Variants in ESRRG observed in about 807,000 individuals in gnomAD.
ESRRG encodes estrogen related receptor gamma.
A neutral mutation model predicts 44.0 loss-of-function variants in ESRRG; 13 were observed. The observed-to-expected ratio is 0.30, with a 90% CI of 0.19 to 0.47. ESRRG has a LOEUF of 0.47. ESRRG is among the 20% of genes least tolerant of loss of function. The pLI, the probability that ESRRG is intolerant of heterozygous loss-of-function variation, is 1.00. For missense variants in ESRRG, 395 were observed against 580.6 expected, an observed-to-expected ratio of 0.68 and a Z score of 3.29; for synonymous variants, 215 against 214.6, an observed-to-expected ratio of 1.00 and a Z score of -0.02.
intron 1 of ESRRG, among the ~76,000 whole-genome samples, chr1:217,068,159 A>G (rs889740870): frequency 4.6e-5 from 7 of 152,130 alleles, no homozygotes; most frequent in Non-Finnish European, 8.8e-5. Context: ...CTACCACGTG[A>G]TCTCACAATG....
At chr1:216,957,822 A>C (rs1156615443) in intron 1 of ESRRG, among the ~76,000 whole-genome samples, 2 of 152,206 alleles carry the variant, frequency 1.3e-5, no homozygotes, top group Non-Finnish European at 2.9e-5. Flanking sequence ...TGCCTACGAT[A>C]AGACACACAG....
chr1:216,636,691 G>A (rs2065368570), intron 3 of ESRRG, among the ~76,000 whole-genome samples: 1 of 152,224 alleles, frequency 6.6e-6, no homozygotes, highest in African/African-American at 2.4e-5. Flanking sequence ...GTGAGGAAGG[G>A]AAGAATTCCT....
chr1:216,559,183 T>C, intron 5 of ESRRG, among the ~76,000 whole-genome samples: 1 of 152,268 alleles, frequency 6.6e-6, no homozygotes, highest in East Asian at 1.9e-4. Flanking sequence ...AATTGAATAT[T>C]CTCATAATTT....
At chr1:217,010,983 G>A (rs1300571619) in intron 1 of ESRRG, among the ~76,000 whole-genome samples, 2 of 152,092 alleles carry the variant, frequency 1.3e-5, no homozygotes, top group Non-Finnish European at 2.9e-5. Context: ...AGCACCAATA[G>A]GCTAAAATAT....
At chr1:217,102,867 G>A (rs1035462073) in intron 1 of ESRRG, among the ~76,000 whole-genome samples, 7 of 152,084 alleles carry the variant, frequency 4.6e-5, no homozygotes, top group Non-Finnish European at 5.9e-5. Context: ...ATGTAGGGGC[G>A]GGTGGGAAGA....
intron 1 of ESRRG, among the ~76,000 whole-genome samples, chr1:217,035,489 T>C (rs1449950933): frequency 2.6e-5 from 4 of 152,072 alleles, no homozygotes. Flanking sequence ...CCTATTTTTT[T>C]ACTAAATTTC....
chr1:216,505,469 C>G lies in ESRRG; in HGVS notation c.*1470G>C, dbSNP rs568026618. 30 of 151,716 alleles carry G rather than the reference C, an allele frequency of 2.0e-4. No individual in the cohort carries two copies. Among genetic ancestry groups the G allele is most frequent in the African/African-American group, 5.8e-4 (24 of 41,268 alleles). 9.4% of individuals were successfully genotyped at this position (151,716 alleles called of 1,614,324 possible). A position where few individuals can be genotyped will look rare whatever the true frequency, so the allele number is the denominator to read the frequency against. ...TCTTTGATGATTTTTTTTTTTAATT[C>G]TGGCATTTGCCTTATTGCCTCTTAA... On this transcript the variant is annotated 3_prime_UTR_variant, in exon 7 of 7. Transcript: ENST00000408911.
At chr1:216,727,295 T>A (rs2152106655), upstream of ESRRG, among the ~76,000 whole-genome samples, 1 of 152,286 alleles carries the variant, frequency 6.6e-6, no homozygotes, top group Middle Eastern at 3.4e-3. Context: ...TTTAAATGTA[T>A]CATATATAGT....
intron 1 of ESRRG, 21 bp downstream of exon 1, chr1:216,723,223 G>C: frequency 6.9e-7 from 1 of 1,440,800 alleles, no homozygotes; most frequent in South Asian, 1.2e-5. Flanking sequence ...AGTTTAAAAA[G>C]GAAAGAAAAA....
intron 2 of ESRRG, among the ~76,000 whole-genome samples, chr1:216,843,143 T>C (rs2095679977): frequency 1.3e-5 from 2 of 151,580 alleles, no homozygotes; most frequent in Middle Eastern, 3.4e-3. Flanking sequence ...GAGATAGTCT[T>C]TTTTTTTTCT....
chr1:217,068,395 T>A (rs1296364994), intron 1 of ESRRG, among the ~76,000 whole-genome samples: 1 of 151,704 alleles, frequency 6.6e-6, no homozygotes, highest in Non-Finnish European at 1.5e-5. Context: ...TTAATCCCCT[T>A]CCTAACTTTC....
At chr1:216,737,116 G>A (rs1323706249) in intron 2 of ESRRG, among the ~76,000 whole-genome samples, 1 of 152,178 alleles carries the variant, frequency 6.6e-6, no homozygotes, top group Non-Finnish European at 1.5e-5. Flanking sequence ...TTACAGAGAG[G>A]AATGTGGTCC....
chr1:216,766,375 G>A (rs954545695), intron 2 of ESRRG, among the ~76,000 whole-genome samples: 1 of 151,802 alleles, frequency 6.6e-6, no homozygotes, highest in Non-Finnish European at 1.5e-5. Flanking sequence ...GGAGAGAGTG[G>A]GCGAAAATCA....
At chr1:217,092,375 T>C (rs55660647), upstream of ESRRG, among the ~76,000 whole-genome samples, 11,896 of 152,270 alleles carry the variant, frequency 0.078, 634 homozygotes, top group South Asian at 0.16. Flanking sequence ...TTAGACCTTG[T>C]AAATCTAATT....
At chr1:216,857,355 C>T (rs867860665) in intron 2 of ESRRG, among the ~76,000 whole-genome samples, 7 of 150,620 alleles carry the variant, frequency 4.6e-5, no homozygotes, top group African/African-American at 1.7e-4. Context: ...CCTTAACCAC[C>T]CTTTGGGAAA....
rs924926816 is a variant in ESRRG, at chr1:216,558,878, G to T, written c.862+5341C>A. On this transcript the variant is annotated intron_variant, in intron 5 of 6. Transcript: ENST00000408911. ...TTTGTTTTTTGTTTTTTGTTTTTTT[G>T]TTTTTTTTGCGATGGAGTCTTCCTC... 2.5e-3 allele frequency among the ~76,000 whole-genome samples: 383 copies of T among 150,466 alleles called. 3 individuals are homozygous for T. The highest frequency in any genetic ancestry group is 9.0e-3 in the African/African-American group (367 of 40,896).
At chr1:216,696,730 GA>G (rs1483701448) in intron 1 of ESRRG, among the ~76,000 whole-genome samples, 8 of 152,052 alleles carry the variant, frequency 5.3e-5, no homozygotes, top group Non-Finnish European at 1.2e-4. Context: ...CTAGATATTA[GA>G]ACTTCCTGGC....
At chr1:216,515,642 G>A (rs2044030301) in intron 6 of ESRRG, among the ~76,000 whole-genome samples, 1 of 152,122 alleles carries the variant, frequency 6.6e-6, no homozygotes, top group Non-Finnish European at 1.5e-5. Flanking sequence ...GAAATAATGT[G>A]TAGAAGTAAA....
intron 2 of ESRRG, among the ~76,000 whole-genome samples, chr1:216,761,862 CCA>C (rs772798764): frequency 1.3e-5 from 2 of 152,040 alleles, no homozygotes; most frequent in Non-Finnish European, 2.9e-5. Flanking sequence ...AATCCATTCC[CCA>C]GTTTTCAGGG....
Sources: gnomAD v4.1 joint callset for allele counts (sites outside exome capture counted in the v4.1 genomes callset) on GRCh38, gnomAD v4.1.1 for gene constraint, MANE v1.5 for transcripts, NCBI Gene and HGNC (gene_info 2026-07-23, HGNC 2026-07-21) for gene names.